The following PHACTR1 variants were observed in gnomAD, a reference collection of about 807,000 sequenced individuals.
PHACTR1 encodes phosphatase and actin regulator 1, also known as RPEL repeat containing 1.
Under a neutral mutation model 69.2 loss-of-function variants are expected in PHACTR1, and 16 were observed. The observed-to-expected ratio is 0.23, with a 90% CI of 0.16 to 0.35. PHACTR1 has a LOEUF of 0.35. Among genes scored for constraint, PHACTR1 ranks in the 10% least tolerant of loss-of-function variants. PHACTR1 has a pLI of 1.00. For missense variants in PHACTR1, 510 were observed against 734.7 expected, an observed-to-expected ratio of 0.69 and a Z score of 3.54; for synonymous variants, 312 against 284.5, an observed-to-expected ratio of 1.10 and a Z score of -0.97.
intron 12 of PHACTR1, chr6:13,281,689 A>G (rs1313897747): frequency 1.3e-5 from 2 of 156,704 alleles, no homozygotes; most frequent in African/African-American, 2.4e-5. Flanking sequence ...CAAATGTTGC[A>G]TGTCTTTATG....
At chr6:13,230,586 A>G (rs924748727) in intron 10 of PHACTR1, among the ~76,000 whole-genome samples, 6 of 150,670 alleles carry the variant, frequency 4.0e-5, no homozygotes, top group Non-Finnish European at 7.4e-5. Flanking sequence ...AATGGAAAAC[A>G]TCCCATTTTG....
intron 14 of PHACTR1, among the ~76,000 whole-genome samples, chr6:13,286,485 C>A (rs535570027): frequency 1.3e-5 from 2 of 152,230 alleles, no homozygotes; most frequent in East Asian, 3.8e-4. Flanking sequence ...AGACTACCAA[C>A]GACCCCAAGG....
intron 4 of PHACTR1, among the ~76,000 whole-genome samples, chr6:12,776,001 C>G (rs1288418940): frequency 6.6e-6 from 1 of 152,184 alleles, no homozygotes; most frequent in Non-Finnish European, 1.5e-5. Flanking sequence ...GTTCTTTGTT[C>G]TAAGAGATCT....
intron 5 of PHACTR1, among the ~76,000 whole-genome samples, chr6:13,062,893 G>C (rs796135596): frequency 6.6e-6 from 1 of 152,180 alleles, no homozygotes; most frequent in South Asian, 2.1e-4. Context: ...TAGCTCTTGA[G>C]CTGGAAGCTT....
chr6:12,983,528 ATTATTTATTTAT>A (rs535231733), intron 4 of PHACTR1, among the ~76,000 whole-genome samples: 1 of 152,044 alleles, frequency 6.6e-6, no homozygotes, highest in East Asian at 1.9e-4. Flanking sequence ...AGACGTATTT[ATTATTTATTTAT>A]TTATTTATTT....
At chr6:13,122,161 G>T (rs1212685468) in intron 5 of PHACTR1, among the ~76,000 whole-genome samples, 2 of 152,104 alleles carry the variant, frequency 1.3e-5, no homozygotes, top group Non-Finnish European at 2.9e-5. Context: ...CTTTCCAAAT[G>T]GTAGGCAATC....
At chr6:12,884,469 C>T (rs1453869102) in intron 4 of PHACTR1, among the ~76,000 whole-genome samples, 2 of 151,516 alleles carry the variant, frequency 1.3e-5, no homozygotes, top group African/African-American at 4.9e-5. Flanking sequence ...GGTGCAATCT[C>T]GGCTCACTGC....
At chr6:13,033,630 G>A (rs1009712776) in intron 4 of PHACTR1, among the ~76,000 whole-genome samples, 1 of 152,188 alleles carries the variant, frequency 6.6e-6, no homozygotes, top group African/African-American at 2.4e-5. Flanking sequence ...GAACCAGAAA[G>A]GAAAATGCTA....
At chr6:12,723,517 A>G (rs1173605971) in intron 3 of PHACTR1, among the ~76,000 whole-genome samples, 5 of 141,414 alleles carry the variant, frequency 3.5e-5, no homozygotes, top group East Asian at 2.0e-4. Context: ...AGAGAGAGAG[A>G]GGGGTCTGGC....
At position 13,283,784 on chromosome 6, in the gene PHACTR1, T is replaced by C. The variant is rs1166591330; in HGVS notation, c.1650+222T>C. ...CAAGGCACATAATACTGTGCCCATTTTACAGGAGGAGGAGCAGCAGCCTGG... is the reference window on the plus strand; with the variant it reads ...CAAGGCACATAATACTGTGCCCATTCTACAGGAGGAGGAGCAGCAGCCTGG... On this transcript the variant is annotated intron_variant, in intron 13 of 14. Coordinates refer to ENST00000332995, the MANE Select transcript of PHACTR1 (RefSeq NM_030948.6). The surrounding 1 kb of genome is among the most constrained non-coding windows in gnomAD (Gnocchi z 4.7). The C allele has an allele frequency of 6.1e-5, 37 of 604,682 alleles. No homozygotes were observed. In the South Asian group the frequency reaches 7.2e-4, roughly 12 times the overall value. 37.5% of individuals were successfully genotyped at this position (604,682 alleles called of 1,614,324 possible). A position where few individuals can be genotyped will look rare whatever the true frequency, so the allele number is the denominator to read the frequency against.
intron 4 of PHACTR1, among the ~76,000 whole-genome samples, chr6:12,833,509 TC>T (rs754709476): frequency 6.6e-6 from 1 of 152,132 alleles, no homozygotes; most frequent in Non-Finnish European, 1.5e-5. Context: ...TCTGCCCGCC[TC>T]AGCCTCCCAA....
At position 12,757,456 on chromosome 6, in the gene PHACTR1, G is replaced by A. The variant is rs79763227; in HGVS notation, c.250+7666G>A. On this transcript the variant is annotated intron_variant, in intron 4 of 14. Coordinates refer to ENST00000332995, the MANE Select transcript of PHACTR1 (RefSeq NM_030948.6). Reference sequence around the variant, plus strand: ...GGGATTTGCGCATAGGAGTAACACCGTCTGACAGATTTTTTAAAGGATCAC... The same window carrying A: ...GGGATTTGCGCATAGGAGTAACACCATCTGACAGATTTTTTAAAGGATCAC... 8.2e-3 allele frequency among the ~76,000 whole-genome samples: 1,249 copies of A among 152,280 alleles called. 24 individuals are homozygous for A. The highest frequency in any genetic ancestry group is 0.028 in the African/African-American group (1,166 of 41,540).
At chr6:12,854,632 C>T (rs1780162674) in intron 4 of PHACTR1, among the ~76,000 whole-genome samples, 1 of 152,098 alleles carries the variant, frequency 6.6e-6, no homozygotes, top group Non-Finnish European at 1.5e-5. Context: ...TATTTGCAAA[C>T]TATGCATCCA....
chr6:12,759,878 TC>T (rs914129058), intron 4 of PHACTR1, among the ~76,000 whole-genome samples: 13 of 152,294 alleles, frequency 8.5e-5, no homozygotes, highest in Admixed American at 3.9e-4. Context: ...GAGCCAGACT[TC>T]CTGGGTTCTG....
chr6:13,074,969 G>A (rs1229293189), intron 5 of PHACTR1, among the ~76,000 whole-genome samples: 1 of 152,140 alleles, frequency 6.6e-6, no homozygotes, highest in East Asian at 1.9e-4. Context: ...AATTTTTTCT[G>A]CAAAAACATG....
In PHACTR1 at chr6:12,746,914, T is replaced by C. The variant is rs1459317652; in HGVS notation, c.104-2730T>C. ...TTGCATTAATTCACAGGAGGCACCA[T>C]TCATACAGTATTTAGAATTGTTTAT... On this transcript the variant is annotated intron_variant, in intron 3 of 14. Transcript: ENST00000332995. Among the ~76,000 whole-genome samples, 3 of 152,222 alleles carry C rather than the reference T, an allele frequency of 2.0e-5. No homozygotes were observed. The East Asian group carries it at 5.8e-4, about 29-fold the overall frequency.
At chr6:13,110,765 C>A (rs976618480) in intron 5 of PHACTR1, among the ~76,000 whole-genome samples, 1 of 152,158 alleles carries the variant, frequency 6.6e-6, no homozygotes, top group African/African-American at 2.4e-5. Context: ...AACTGCTCTG[C>A]GTGTCTGAAC....
chr6:12,926,542 C>A (rs1371604507), intron 4 of PHACTR1, among the ~76,000 whole-genome samples: 1 of 152,192 alleles, frequency 6.6e-6, no homozygotes, highest in Non-Finnish European at 1.5e-5. Flanking sequence ...GGTCCAGGCT[C>A]CACCTGCTCC....
intron 4 of PHACTR1, among the ~76,000 whole-genome samples, chr6:13,006,352 T>A (rs1798787621): frequency 6.6e-6 from 1 of 152,200 alleles, no homozygotes; most frequent in Non-Finnish European, 1.5e-5. Flanking sequence ...AAAAACTACC[T>A]AGCCGCTTTC....
Sources: allele counts gnomAD v4.1 joint callset (sites outside exome capture counted in the v4.1 genomes callset), GRCh38; gene constraint gnomAD v4.1.1; non-coding constraint Gnocchi (gnomAD v3.1); transcripts MANE v1.5; gene names NCBI Gene and HGNC (gene_info 2026-07-23, HGNC 2026-07-21).